SYTL3: variants seen among roughly 807,000 people sequenced by gnomAD.
SYTL3 encodes synaptotagmin like 3, also known as synaptotagmin-like protein 3.
Under a neutral mutation model 82.1 loss-of-function variants are expected in SYTL3, and 88 were observed. The ratio of observed to expected loss-of-function variants is 1.07; its 90% CI spans 0.90 to 1.28. The LOEUF (loss-of-function observed/expected upper bound fraction) is 1.28. Ranked by LOEUF, SYTL3 falls within the 50% of genes most tolerant of loss-of-function variation. The pLI is 0.00. For synonymous variants in SYTL3, 311 were observed against 289.4 expected (o/e 1.07, Z -0.76); for missense variants, 831 against 757.6 (o/e 1.10, Z -1.14).
chr6:158,667,722 C>T (rs988378935), intron 5 of SYTL3, among the ~76,000 whole-genome samples: 3 of 152,170 alleles, frequency 2.0e-5, no homozygotes, highest in Non-Finnish European at 4.4e-5. Context: ...TTTTTAAAAT[C>T]AAGAAAGGGG....
intron 16 of SYTL3, among the ~76,000 whole-genome samples, 153 bp from the exon 17 acceptor site, chr6:158,763,151 G>GT: frequency 6.6e-6 from 1 of 151,602 alleles, no homozygotes; most frequent in South Asian, 2.1e-4. Context: ...AATGTGCCGA[G>GT]TCCTGTGGTT....
chr6:158,664,215 CT>C (rs1186964578), intron 4 of SYTL3, among the ~76,000 whole-genome samples: 5 of 152,322 alleles, frequency 3.3e-5, no homozygotes, highest in Non-Finnish European at 5.9e-5. Flanking sequence ...TATTTCAAAG[CT>C]TTCTAAGTGC....
In SYTL3 at chr6:158,708,330, C is replaced by A. The variant is rs750821991; in HGVS notation, c.455C>A (p.Ser152Tyr). 2.5e-5 allele frequency: 41 copies of A among 1,614,048 alleles called. No individual in the cohort carries two copies. In the South Asian group the frequency reaches 4.1e-4, roughly 16 times the overall value. ...LQSYQKLSKI[S>Y]VVPPTPPPVS... is the part of the protein sequence containing the mutation. ...TGTGTTTTCCTTGGCAGCAAAATTTCTGTGGTTCCTCCTACTCCACCTCCT... is the reference window on the plus strand; with the variant it reads ...TGTGTTTTCCTTGGCAGCAAAATTTATGTGGTTCCTCCTACTCCACCTCCT... Residue 152 changes from serine (S) to tyrosine (Y), a missense_variant, in exon 8 of 18, where the codon TCT (serine) becomes TAT (tyrosine). By Grantham distance (144) the Ser-to-Tyr change is moderately radical (BLOSUM62 -2). Coordinates refer to ENST00000611299, the MANE Select transcript of SYTL3 (RefSeq NM_001242394.2).
At chr6:158,661,887 C>CA (rs1432861478) in intron 3 of SYTL3, among the ~76,000 whole-genome samples, 1 of 152,190 alleles carries the variant, frequency 6.6e-6, no homozygotes, top group Non-Finnish European at 1.5e-5. Context: ...ATATTTCATG[C>CA]ATCAAGGAAC....
upstream of SYTL3, among the ~76,000 whole-genome samples, chr6:158,648,091 C>G (rs143289438): frequency 4.5e-3 from 683 of 152,124 alleles, 3 homozygotes; most frequent in African/African-American, 0.015. Flanking sequence ...GTCGGGAGTT[C>G]GAGACTAGCC....
At position 158,687,529 on chromosome 6, in the gene SYTL3, G is replaced by A. The variant is rs1313363051; in HGVS notation, c.394+4540G>A. Among the ~76,000 whole-genome samples the A allele has an allele frequency of 3.3e-5, 5 of 152,328 alleles. No homozygotes were observed. The East Asian group carries it at 7.7e-4, about 23-fold the overall frequency. On this transcript the variant is annotated intron_variant, in intron 6 of 17. Transcript: ENST00000611299. The stretch of plus-strand genomic sequence containing the variant: ...TCAGGAAGCAAGAATCACTGGGACC[G>A]TCTGTGTGCTACCAAATCCTGTGTT...
intron 2 of SYTL3, among the ~76,000 whole-genome samples, chr6:158,660,194 G>A (rs1414489584): frequency 1.3e-5 from 2 of 152,118 alleles, no homozygotes; most frequent in Non-Finnish European, 2.9e-5. Context: ...GAACCCAGGA[G>A]GCGGAGGTTG....
At chr6:158,663,732 C>A in intron 4 of SYTL3, 1 of 443,184 alleles carries the variant, frequency 2.3e-6, no homozygotes, top group Non-Finnish European at 3.0e-6. Context: ...GAAAGACCTC[C>A]AGTTAAGGGT....
At chr6:158,763,220 C>T (rs766157963) in intron 16 of SYTL3, 84 bp from the exon 17 acceptor site, 32 of 1,338,094 alleles carry the variant, frequency 2.4e-5, no homozygotes, top group Non-Finnish European at 3.4e-5. Flanking sequence ...TTTCTTAGTG[C>T]TTCCCGTCTG....
rs549428783 is a variant in SYTL3 at position 158,672,556 on chromosome 6, C to CTTTT, written c.329+6954_329+6957dup. Among the ~76,000 whole-genome samples the CTTTT allele has an allele frequency of 3.3e-3, 413 of 126,138 alleles. 4 individuals carry two copies. Among genetic ancestry groups the CTTTT allele is most frequent in the East Asian group, 0.03 (137 of 4,552 alleles). 82.8% of individuals were successfully genotyped at this position (126,138 alleles called of 152,430 possible). A position where few individuals can be genotyped will look rare whatever the true frequency, so the allele number is the denominator to read the frequency against. On this transcript the variant is annotated intron_variant, in intron 5 of 17. Coordinates refer to ENST00000611299, the MANE Select transcript of SYTL3 (RefSeq NM_001242394.2). ...AAGAAACATACTGGTTTTTTTGTTTCTTTTTTTTTTTTTTGGCAGAGACTG... is the reference window on the plus strand; with the variant it reads ...AAGAAACATACTGGTTTTTTTGTTTCTTTTTTTTTTTTTTTTTTGGCAGAGACTG...
At chr6:158,726,105 T>C in intron 11 of SYTL3, 2 of 425,676 alleles carry the variant, frequency 4.7e-6, no homozygotes, top group Non-Finnish European at 9.2e-6. Flanking sequence ...GTAATAGTTA[T>C]CAAAAATTGA....
chr6:158,724,250 C>T (rs7751659), intron 10 of SYTL3, among the ~76,000 whole-genome samples: 1 of 152,062 alleles, frequency 6.6e-6, no homozygotes, highest in Admixed American at 6.5e-5. Flanking sequence ...TAGCATAGTG[C>T]TGTGAATATA....
At position 158,661,691 on chromosome 6, in the gene SYTL3, G is replaced by A. The variant is rs566343583; in HGVS notation, c.-520+306G>A. ...TTTATTAACCTTTAACTCAAATTTA[G>A]CATTTTCTTAAAATATGGATATAGG... On this transcript the variant is annotated intron_variant, in intron 3 of 17. Transcript: ENST00000611299. Among the ~76,000 whole-genome samples, 19 of 152,258 alleles carry A rather than the reference G, an allele frequency of 1.2e-4. No homozygotes were observed. In the South Asian group the frequency reaches 3.3e-3, roughly 27 times the overall value.
intron 6 of SYTL3, among the ~76,000 whole-genome samples, chr6:158,703,853 A>T (rs1161759364): frequency 4.5e-5 from 6 of 132,512 alleles, no homozygotes; most frequent in Non-Finnish European, 8.2e-5. Context: ...TATTATTATT[A>T]TTTTGAGATG....
chr6:158,696,138 TACTTCCCC>T (rs1265638820), intron 6 of SYTL3, among the ~76,000 whole-genome samples: 2 of 152,220 alleles, frequency 1.3e-5, no homozygotes, highest in Non-Finnish European at 2.9e-5. Flanking sequence ...TATTTTATTA[TACTTCCCC>T]ACTAGCAATG....
chr6:158,687,061 TG>T (rs1779377263), intron 6 of SYTL3, among the ~76,000 whole-genome samples: 1 of 152,222 alleles, frequency 6.6e-6, no homozygotes, highest in African/African-American at 2.4e-5. Context: ...AACTAGATGG[TG>T]GTTTAAACCA....
chr6:158,675,699 G>T (rs957377480), intron 5 of SYTL3, among the ~76,000 whole-genome samples: 12 of 152,134 alleles, frequency 7.9e-5, no homozygotes, highest in Non-Finnish European at 1.5e-4. Flanking sequence ...TGTAATCCTA[G>T]CACTTTGGGA....
chr6:158,671,975 T>C (rs546519461), intron 5 of SYTL3, among the ~76,000 whole-genome samples: 1 of 152,250 alleles, frequency 6.6e-6, no homozygotes, highest in South Asian at 2.1e-4. Context: ...AAGTTCTTTA[T>C]TTTGATTCAT....
At chr6:158,764,293 A>C (rs576765887) in intron 17 of SYTL3, among the ~76,000 whole-genome samples, 1 of 152,164 alleles carries the variant, frequency 6.6e-6, no homozygotes, top group Non-Finnish European at 1.5e-5. Flanking sequence ...CTCGCAGAGC[A>C]GAGGATGCCT....
Sources: gnomAD v4.1 joint callset for allele counts (sites outside exome capture counted in the v4.1 genomes callset) on GRCh38, gnomAD v4.1.1 for gene constraint, MANE v1.5 for transcripts, NCBI Gene and HGNC (gene_info 2026-07-23, HGNC 2026-07-21) for gene names.